OSBPL6: variants seen among roughly 807,000 people sequenced by gnomAD.
OSBPL6 encodes the protein oxysterol-binding protein-related protein 6.
A neutral mutation model predicts 125.8 loss-of-function variants in OSBPL6; 49 were observed. That is an observed-to-expected ratio of 0.39 (90% CI 0.31 to 0.49). The LOEUF (loss-of-function observed/expected upper bound fraction) is 0.49, where lower values mean the gene tolerates loss of function less well. Among genes scored for constraint, OSBPL6 ranks in the 20% least tolerant of loss-of-function variants. The probability of loss-of-function intolerance (pLI) is 0.88; values close to 1 mark genes in which losing one functional copy is unlikely to be tolerated. For synonymous variants in OSBPL6, 394 were observed against 391.8 expected (o/e 1.01, Z -0.07); for missense variants, 986 against 1,135.4 (o/e 0.87, Z 1.89).
chr2:178,215,738 A>C (rs2090067238), intron 1 of OSBPL6, among the ~76,000 whole-genome samples: 1 of 152,126 alleles, frequency 6.6e-6, no homozygotes, highest in Admixed American at 6.6e-5. Flanking sequence ...AGCAATGTTG[A>C]AAAAAAGAGG....
At chr2:178,321,853 G>A (rs1208505419) in intron 3 of OSBPL6, among the ~76,000 whole-genome samples, 1 of 152,122 alleles carries the variant, frequency 6.6e-6, no homozygotes, top group Non-Finnish European at 1.5e-5. Context: ...GATATATTGT[G>A]CTATATTTGA....
chr2:178,291,593 C>T (rs1685264139), intron 2 of OSBPL6, among the ~76,000 whole-genome samples: 1 of 152,004 alleles, frequency 6.6e-6, no homozygotes, highest in Non-Finnish European at 1.5e-5. Flanking sequence ...TGCATTGTTT[C>T]CTGGACACAT....
Position 178,401,617 on chromosome 2 carries a change from T to G in OSBPL6, c.*6058T>G, listed in dbSNP as rs945893198. On this transcript the variant is annotated 3_prime_UTR_variant, in exon 25 of 25. Coordinates refer to ENST00000190611, the MANE Select transcript of OSBPL6 (RefSeq NM_032523.4). ...GAATGAATACAAGAGAAATGGAATC[T>G]GGGGAAAAAAGTAGGTTCTCTAACT... The G allele has an allele frequency of 6.6e-6, 1 of 152,112 alleles. No homozygotes were observed. Among genetic ancestry groups the G allele is most frequent in the African/African-American group, 2.4e-5 (1 of 41,440 alleles). The allele number at this position is 152,112 out of a possible 1,614,324, so 9.4% of individuals were successfully genotyped here. A position where few individuals can be genotyped will look rare whatever the true frequency, so the allele number is the denominator to read the frequency against.
At chr2:178,350,468 G>T (rs1691150162) in intron 12 of OSBPL6, among the ~76,000 whole-genome samples, 1 of 152,138 alleles carries the variant, frequency 6.6e-6, no homozygotes, top group African/African-American at 2.4e-5. Context: ...GGAAAAGAAG[G>T]GGGCACACTG....
intron 1 of OSBPL6, among the ~76,000 whole-genome samples, chr2:178,199,731 A>G (rs2089137620): frequency 6.6e-6 from 1 of 152,162 alleles, no homozygotes; most frequent in African/African-American, 2.4e-5. Context: ...AGTGTTGATA[A>G]ATATACAATT....
intron 3 of OSBPL6, among the ~76,000 whole-genome samples, chr2:178,316,698 C>T (rs4893851): frequency 0.96 from 145,913 of 152,262 alleles, 69,975 homozygotes; most frequent in Non-Finnish European, 0.97. Flanking sequence ...ATAACAACTA[C>T]TTACATCGCA....
At chr2:178,344,172 C>T (rs1470517879) in intron 11 of OSBPL6, 6 of 861,186 alleles carry the variant, frequency 7.0e-6, no homozygotes, top group Non-Finnish European at 1.1e-5. Flanking sequence ...TAAGAAAAGT[C>T]GACTTCAGTT....
At chr2:178,199,949 G>A (rs1460872580) in intron 1 of OSBPL6, among the ~76,000 whole-genome samples, 1 of 151,768 alleles carries the variant, frequency 6.6e-6, no homozygotes, top group East Asian at 1.9e-4. Flanking sequence ...TCCATTATTG[G>A]GTAGCTAACT....
At chr2:178,375,385 C>T (rs975272074) in intron 15 of OSBPL6, among the ~76,000 whole-genome samples, 3 of 151,912 alleles carry the variant, frequency 2.0e-5, no homozygotes, top group Non-Finnish European at 4.4e-5. Context: ...GCTGACCCAT[C>T]CTTCATCCTT....
At chr2:178,392,364 T>A in intron 22 of OSBPL6, 48 bp from the exon 23 acceptor site, 1 of 1,604,638 alleles carries the variant, frequency 6.2e-7, no homozygotes, top group Non-Finnish European at 8.5e-7. Flanking sequence ...CTTCTTCCAG[T>A]TCCATAAACC....
At chr2:178,317,516 G>T (rs1687865820) in intron 3 of OSBPL6, among the ~76,000 whole-genome samples, 2 of 141,828 alleles carry the variant, frequency 1.4e-5, no homozygotes, top group South Asian at 2.2e-4. Flanking sequence ...ACATTTATGA[G>T]AACATATTGT....
intron 1 of OSBPL6, among the ~76,000 whole-genome samples, chr2:178,268,752 CTCTG>C (rs1441800793): frequency 2.6e-5 from 4 of 151,818 alleles, no homozygotes; most frequent in Non-Finnish European, 4.4e-5. Context: ...TATTTTGTCT[CTCTG>C]TCTTTTTTTT....
At chr2:178,351,601 A>G (rs76273779) in intron 12 of OSBPL6, among the ~76,000 whole-genome samples, 9,606 of 152,300 alleles carry the variant, frequency 0.063, 393 homozygotes, top group South Asian at 0.15. Context: ...TAAATGAAAG[A>G]TATTCCATAC....
intron 9 of OSBPL6, among the ~76,000 whole-genome samples, chr2:178,337,306 T>G (rs1354010287): frequency 6.6e-6 from 1 of 152,190 alleles, no homozygotes; most frequent in Non-Finnish European, 1.5e-5. Flanking sequence ...CTTTTTTGTG[T>G]TCTCACTTAA....
intron 1 of OSBPL6, among the ~76,000 whole-genome samples, chr2:178,253,779 A>G (rs2091780770): frequency 6.6e-6 from 1 of 152,180 alleles, no homozygotes; most frequent in Non-Finnish European, 1.5e-5. Context: ...GGACACTGCT[A>G]GGGATTGAAT....
Position 178,324,187 on chromosome 2 carries a change from T to C in OSBPL6, c.113T>C (p.Ile38Thr). The C allele has an allele frequency of 2.6e-6, 4 of 1,544,646 alleles. No individual in the cohort carries two copies. Among genetic ancestry groups the C allele is most frequent in the South Asian group, 1.2e-5 (1 of 83,378 alleles). Residue 38 changes from isoleucine to threonine, a missense_variant, in exon 4 of 25, where the codon ATA becomes ACA. Physicochemically the swap from Ile to Thr is moderately conservative, Grantham distance 89 (BLOSUM62 -1). Transcript: ENST00000190611. ...TTCATTTATTTTCAGAGTATTCACA[T>C]ACTGGAGAGGACTGCTTCCTCTAGC... ...SQRDSRQSIH[I>T]LERTASSSTE...
chr2:178,334,275 G>A (rs1323647377), intron 8 of OSBPL6, among the ~76,000 whole-genome samples: 2 of 152,134 alleles, frequency 1.3e-5, no homozygotes, highest in African/African-American at 4.8e-5. Flanking sequence ...GCCACAGTAC[G>A]TTGTGTTCAA....
chr2:178,377,514 C>G (rs951071441), intron 15 of OSBPL6, among the ~76,000 whole-genome samples: 11 of 152,190 alleles, frequency 7.2e-5, no homozygotes, highest in Admixed American at 3.9e-4. Flanking sequence ...GGTGAGGTCT[C>G]CCCAGAAGGC....
At chr2:178,248,849 A>G (rs1484408865) in intron 1 of OSBPL6, among the ~76,000 whole-genome samples, 2 of 152,166 alleles carry the variant, frequency 1.3e-5, no homozygotes, top group African/African-American at 4.8e-5. Context: ...CTGAAATCTC[A>G]TTGTCCAGAA....
Sources: allele counts gnomAD v4.1 joint callset (sites outside exome capture counted in the v4.1 genomes callset), GRCh38; gene constraint gnomAD v4.1.1; transcripts MANE v1.5; gene names NCBI Gene and HGNC (gene_info 2026-07-23, HGNC 2026-07-21).